The following UIMC1 variants were observed in gnomAD, a reference collection of about 807,000 sequenced individuals.
UIMC1 encodes the protein ubiquitin interaction motif containing 1, also known as BRCA1-A complex subunit RAP80.
UIMC1 carries 42 observed loss-of-function variants against 84.9 expected under a neutral mutation model. That is an observed-to-expected ratio of 0.49 (90% CI 0.39 to 0.64). The LOEUF (loss-of-function observed/expected upper bound fraction) is 0.64. Ranked by LOEUF, UIMC1 falls within the 30% of genes least tolerant of loss-of-function variation. The probability of loss-of-function intolerance (pLI) is 0.00; values close to 1 mark genes in which losing one functional copy is unlikely to be tolerated. For missense variants in UIMC1, 825 were observed against 847.6 expected (o/e 0.97, Z 0.33); for synonymous variants, 281 against 293.0 (o/e 0.96, Z 0.42).
At chr5:176,926,292 T>C (rs556523605) in intron 10 of UIMC1, among the ~76,000 whole-genome samples, 10 of 151,910 alleles carry the variant, frequency 6.6e-5, no homozygotes, top group African/African-American at 2.4e-4. Flanking sequence ...TAATGTTAAA[T>C]TTCTTGAGTA....
intron 10 of UIMC1, among the ~76,000 whole-genome samples, chr5:176,936,045 G>A (rs182634792): frequency 6.6e-6 from 1 of 152,082 alleles, no homozygotes; most frequent in Non-Finnish European, 1.5e-5. Context: ...TTACCCCTTT[G>A]ACTCTTATGC....
In UIMC1 at chr5:177,020,494, G is replaced by A. The variant is rs192998503; in HGVS notation, c.-9+1970C>T. On this transcript the variant is annotated intron_variant, in intron 1 of 5. Coordinates refer to the UIMC1 transcript ENST00000509236. Reference sequence around the variant, plus strand: ...TGCCCAGGATGGAGTGCAGTGGCACGATCTCGGCTCACTGCAAGCTCCGCC... The same window carrying A: ...TGCCCAGGATGGAGTGCAGTGGCACAATCTCGGCTCACTGCAAGCTCCGCC... 3.8e-4 allele frequency among the ~76,000 whole-genome samples: 58 copies of A among 152,246 alleles called. 1 individual carries two copies. The East Asian group carries it at 0.01, about 27-fold the overall frequency.
intron 10 of UIMC1, among the ~76,000 whole-genome samples, chr5:176,935,977 C>A (rs142386041): frequency 6.6e-6 from 1 of 152,194 alleles, no homozygotes; most frequent in Non-Finnish European, 1.5e-5. Flanking sequence ...AAAGTGTATA[C>A]AGTTAATGCC....
chr5:176,997,918 C>T (rs1484947964), intron 1 of UIMC1, among the ~76,000 whole-genome samples: 3 of 152,090 alleles, frequency 2.0e-5, no homozygotes, highest in African/African-American at 7.2e-5. Context: ...TCCCCTTCAC[C>T]TAGTTAATTC....
chr5:177,010,991 G>A (rs868265864), upstream of UIMC1, among the ~76,000 whole-genome samples: 1 of 151,904 alleles, frequency 6.6e-6, no homozygotes, highest in Non-Finnish European at 1.5e-5. Flanking sequence ...TCAGGAGTTC[G>A]AGACCAGCCT....
chr5:176,983,330 GC>G (rs1323704875), intron 1 of UIMC1, among the ~76,000 whole-genome samples: 1 of 150,272 alleles, frequency 6.7e-6, no homozygotes, highest in African/African-American at 2.5e-5. Context: ...CCTGCCTCAG[GC>G]TCCCGTGATT....
intron 1 of UIMC1, chr5:177,006,377 T>A (rs1287526778): frequency 6.6e-6 from 1 of 152,142 alleles, no homozygotes; most frequent in Non-Finnish European, 1.5e-5. Context: ...CGCCCCGGAA[T>A]CGGGAGGGTC....
intron 6 of UIMC1, among the ~76,000 whole-genome samples, chr5:176,963,377 C>T (rs1484710030): frequency 2.0e-5 from 3 of 151,732 alleles, no homozygotes; most frequent in Non-Finnish European, 4.4e-5. Flanking sequence ...AAAAATTAGC[C>T]AGGCATGGTG....
chr5:176,988,449 T>C (rs1201485182), intron 1 of UIMC1, among the ~76,000 whole-genome samples: 1 of 152,096 alleles, frequency 6.6e-6, no homozygotes, highest in Non-Finnish European at 1.5e-5. Context: ...ATTCTATTTA[T>C]AAGAAACATC....
At position 176,969,009 on chromosome 5, in the gene UIMC1, C is replaced by A. The variant is rs959053312; in HGVS notation, c.746G>T (p.Gly249Val). 1.9e-6 allele frequency: 3 copies of A among 1,614,224 alleles called. No individual in the cohort carries two copies. Among genetic ancestry groups the A allele is most frequent in the East Asian group, 2.2e-5 (1 of 44,894 alleles). ...RGSAFLKAVQ[G>V]SGDTSRHCLP... Reference sequence around the variant, plus strand: ...ACAGTGCCTAGATGTGTCCCCGCTACCCTGGACAGCTTTGAGAAAAGCAGA... The same window carrying A: ...ACAGTGCCTAGATGTGTCCCCGCTAACCTGGACAGCTTTGAGAAAAGCAGA... The change falls in exon 6 of 15, where the codon GGT becomes GTT. Residue 249 changes from glycine to valine, a missense_variant. By Grantham distance (109) the Gly-to-Val change is moderately radical. Coordinates refer to ENST00000511320, the MANE Select transcript of UIMC1 (RefSeq NM_001199298.2).
At chr5:176,985,430 T>C (rs1300015338) in intron 1 of UIMC1, among the ~76,000 whole-genome samples, 14 of 143,942 alleles carry the variant, frequency 9.7e-5, no homozygotes, top group Non-Finnish European at 1.9e-4. Context: ...CATTCCAGCC[T>C]GGGCAACAAG....
chr5:177,006,675 CCTT>C lies in UIMC1; in HGVS notation c.-37_-35del, dbSNP rs574457922. Reference sequence around the variant, plus strand: ...TCGCTGGCGCAGGCCGCTCTGTAGACCTTCTCCGGGTTGCCGGGGGTCGCGAGC... The same window carrying C: ...TCGCTGGCGCAGGCCGCTCTGTAGACCTCCGGGTTGCCGGGGGTCGCGAGC... On this transcript the variant is annotated 5_prime_UTR_variant, in exon 1 of 15. Transcript: ENST00000511320. 82 of 152,344 alleles carry C rather than the reference CCTT, an allele frequency of 5.4e-4. No homozygotes were observed. The highest frequency in any genetic ancestry group is 1.8e-3 in the African/African-American group (76 of 41,590). The allele number at this position is 152,344 out of a possible 1,614,324, so 9.4% of individuals were successfully genotyped here. A position where few individuals can be genotyped will look rare whatever the true frequency, so the allele number is the denominator to read the frequency against.
chr5:177,003,314 T>C (rs1774804536), intron 1 of UIMC1, among the ~76,000 whole-genome samples: 1 of 152,118 alleles, frequency 6.6e-6, no homozygotes, highest in African/African-American at 2.4e-5. Context: ...TGAGTAGTAA[T>C]TGTAATATAA....
At chr5:176,939,870 A>C (rs1352018983) in intron 10 of UIMC1, among the ~76,000 whole-genome samples, 1 of 152,244 alleles carries the variant, frequency 6.6e-6, no homozygotes, top group East Asian at 1.9e-4. Context: ...CATCAAAGCT[A>C]TAAAGACATA....
In UIMC1 at chr5:177,013,060, G is replaced by A. The variant is rs985499748; in HGVS notation, c.-9+9404C>T. Reference sequence around the variant, plus strand: ...CTTACTATTGCACTCTAGCCTGGGTGACAGACGGAGATCTTGTATCAAAAA... The same window carrying A: ...CTTACTATTGCACTCTAGCCTGGGTAACAGACGGAGATCTTGTATCAAAAA... On this transcript the variant is annotated intron_variant, in intron 1 of 5. Coordinates refer to the UIMC1 transcript ENST00000509236. 3.5e-4 allele frequency among the ~76,000 whole-genome samples: 52 copies of A among 148,886 alleles called. 2 individuals are homozygous for A. In the Admixed American group the frequency reaches 3.5e-3, roughly 10 times the overall value.
At position 176,968,770 on chromosome 5, in the gene UIMC1, G is replaced by A. The variant is rs1304819450; in HGVS notation, c.985C>T (p.Pro329Ser). Residue 329 changes from proline (P) to serine (S), a missense_variant, in exon 6 of 15, where the codon CCT (proline) becomes TCT (serine). Pro to Ser is a moderately conservative substitution (Grantham distance 74, BLOSUM62 -1). Transcript: ENST00000511320. ...GFGEPVLPRP[P>S]SLIQNECGQG... is the part of the protein sequence containing the mutation. ...CCACATTCATTCTGGATCAGAGAAG[G>A]AGGTCTAGGTAACACTGGTTCCCCA... 13 of 1,614,036 alleles carry A rather than the reference G, an allele frequency of 8.1e-6. No homozygotes were observed. In the East Asian group the frequency reaches 8.9e-5, roughly 11 times the overall value.
intron 11 of UIMC1, 110 bp downstream of exon 11, chr5:176,911,201 G>C: frequency 1.3e-6 from 1 of 744,640 alleles, no homozygotes; most frequent in Non-Finnish European, 2.0e-6. Context: ...AAGCAATGAA[G>C]CAATTGGCAG....
chr5:176,931,761 T>C (rs1188152852), intron 10 of UIMC1, among the ~76,000 whole-genome samples: 1 of 152,078 alleles, frequency 6.6e-6, no homozygotes, highest in Non-Finnish European at 1.5e-5. Context: ...CCAAGGCAGA[T>C]GGATCACGAA....
At chr5:176,970,982 C>T in intron 3 of UIMC1, 116 bp from the exon 4 acceptor site, 5 of 1,331,040 alleles carry the variant, frequency 3.8e-6, no homozygotes, top group Non-Finnish European at 5.0e-6. Context: ...CCACTTAGTA[C>T]AATTTTATAA....
Sources: allele counts gnomAD v4.1 joint callset (sites outside exome capture counted in the v4.1 genomes callset), GRCh38; gene constraint gnomAD v4.1.1; transcripts MANE v1.5; gene names NCBI Gene and HGNC (gene_info 2026-07-23, HGNC 2026-07-21).